CEMIP: variants seen among roughly 807,000 people sequenced by gnomAD.
CEMIP encodes the protein cell migration inducing hyaluronidase 1.
CEMIP carries 105 observed loss-of-function variants against 156.9 expected under a neutral mutation model. The observed-to-expected ratio is 0.67, with a 90% confidence interval of 0.57 to 0.79. The LOEUF is 0.79. Ranked by LOEUF, CEMIP falls within the 30% of genes least tolerant of loss-of-function variation. The pLI is 0.00. For synonymous variants in CEMIP, 676 were observed against 668.4 expected (o/e 1.01, Z -0.17); for missense variants, 1,457 against 1,769.4 (o/e 0.82, Z 3.17).
chr15:80,931,443 T>C (rs184054034), intron 21 of CEMIP, among the ~76,000 whole-genome samples: 159 of 152,270 alleles, frequency 1.0e-3, no homozygotes, highest in Non-Finnish European at 1.6e-3. Context: ...AGAAACATAA[T>C]ATTGGCACGC....
intron 1 of CEMIP, among the ~76,000 whole-genome samples, chr15:80,863,281 G>T (rs1454035334): frequency 6.6e-6 from 1 of 152,176 alleles, no homozygotes; most frequent in Non-Finnish European, 1.5e-5. Flanking sequence ...TTTGATAGAG[G>T]GTGTTGGACA....
intron 1 of CEMIP, among the ~76,000 whole-genome samples, chr15:80,808,563 T>C (rs377616483): frequency 6.6e-6 from 1 of 150,762 alleles, no homozygotes; most frequent in Non-Finnish European, 1.5e-5. Context: ...ATAAATTATA[T>C]GAAAAACAAC....
chr15:80,934,847 T>A (rs77213986), intron 23 of CEMIP, among the ~76,000 whole-genome samples: 7,168 of 152,258 alleles, frequency 0.047, 217 homozygotes, highest in Middle Eastern at 0.17. Context: ...CTGAGGGTGT[T>A]TCTCTCTGCA....
chr15:80,813,347 C>T (rs1023246788), intron 1 of CEMIP, among the ~76,000 whole-genome samples: 27 of 141,140 alleles, frequency 1.9e-4, no homozygotes, highest in African/African-American at 4.8e-4. Context: ...AGCAGCAGTA[C>T]GGATTTTTTT....
chr15:80,830,095 C>T (rs1317140669), intron 1 of CEMIP, among the ~76,000 whole-genome samples: 2 of 149,940 alleles, frequency 1.3e-5, no homozygotes, highest in South Asian at 2.1e-4. Context: ...GATCTGGGAC[C>T]GCTCTACACA....
chr15:80,800,216 A>G (rs1309134997), intron 1 of CEMIP, among the ~76,000 whole-genome samples: 2 of 152,028 alleles, frequency 1.3e-5, no homozygotes, highest in Admixed American at 1.3e-4. Flanking sequence ...GGTAGCTGAA[A>G]TCACCTCACC....
chr15:80,797,103 G>A (rs754441963), intron 1 of CEMIP, among the ~76,000 whole-genome samples: 11 of 152,180 alleles, frequency 7.2e-5, no homozygotes, highest in Non-Finnish European at 1.6e-4. Context: ...AGGTTGGAAA[G>A]GTTCGTGTGA....
chr15:80,938,227 A>G (rs895029432), intron 25 of CEMIP: 4 of 415,114 alleles, frequency 9.6e-6, no homozygotes, highest in Admixed American at 3.9e-5. Flanking sequence ...CATATTTCAG[A>G]AAAAAAAAAG....
chr15:80,848,691 C>T (rs766714739), intron 1 of CEMIP, among the ~76,000 whole-genome samples: 2 of 152,114 alleles, frequency 1.3e-5, no homozygotes, highest in South Asian at 4.1e-4. Flanking sequence ...GGTTCCCAGG[C>T]GGAAAGAAGG....
intron 1 of CEMIP, among the ~76,000 whole-genome samples, chr15:80,838,457 G>T (rs1897314321): frequency 6.6e-6 from 1 of 152,104 alleles, no homozygotes; most frequent in African/African-American, 2.4e-5. Context: ...CTCTGGCTCA[G>T]CAGGCCTGGG....
rs552298321 is a variant in CEMIP at position 80,946,994 on chromosome 15, G to C, written c.3887G>C (p.Arg1296Thr). ...ATAGTGCTTATGGCATCAAAGGGAAGATACGTCTCCAGAGGCCCATGGACC... is the reference window on the plus strand; with the variant it reads ...ATAGTGCTTATGGCATCAAAGGGAACATACGTCTCCAGAGGCCCATGGACC... ...NSIVLMASKGRYVSRGPWTRV... is the reference protein window; with the variant it reads ...NSIVLMASKGTYVSRGPWTRV... Residue 1296 changes from arginine (R) to threonine (T), a missense_variant, in exon 29 of 30, where the codon AGA becomes ACA. Arg to Thr is a moderately conservative substitution (Grantham distance 71, BLOSUM62 -1). Around this residue, in one of 5 missense-constraint regions of CEMIP, gnomAD observed 798 missense variants for 980.1 expected, o/e 0.81. Transcript: ENST00000394685. 1 of 1,613,954 alleles carries C rather than the reference G, an allele frequency of 6.2e-7. No homozygotes were observed. The highest frequency in any genetic ancestry group is 1.3e-5 in the African/African-American group (1 of 75,026).
intron 1 of CEMIP, among the ~76,000 whole-genome samples, chr15:80,856,234 G>A (rs1468303401): frequency 1.3e-5 from 2 of 152,308 alleles, no homozygotes; most frequent in African/African-American, 4.8e-5. Flanking sequence ...CAACAAGTGT[G>A]CATTTTAGGT....
chr15:80,895,852 C>T lies in CEMIP; in HGVS notation c.1220-17C>T, dbSNP rs774304121. 1.2e-6 allele frequency: 2 copies of T among 1,613,824 alleles called. No homozygotes were observed. Among genetic ancestry groups the T allele is most frequent in the East Asian group, 4.5e-5 (2 of 44,884 alleles). Reference sequence around the variant, plus strand: ...AGCAAAGGGCTCTATCTCAGTCTTTCCTGTTTTGGGTTACAGTGAGGCCCA... The same window carrying T: ...AGCAAAGGGCTCTATCTCAGTCTTTTCTGTTTTGGGTTACAGTGAGGCCCA... On this transcript the variant is annotated splice_polypyrimidine_tract_variant and intron_variant, in intron 11 of 29. Transcript: ENST00000394685.
intron 8 of CEMIP, 60 bp downstream of exon 8, chr15:80,887,824 A>C (rs1288062479): frequency 1.2e-5 from 16 of 1,367,916 alleles, no homozygotes; most frequent in Middle Eastern, 1.8e-4. Context: ...CAAGAGGTGC[A>C]GGGCTTTTCT....
intron 1 of CEMIP, among the ~76,000 whole-genome samples, chr15:80,794,411 G>A (rs1896162509): frequency 6.6e-6 from 1 of 152,174 alleles, no homozygotes; most frequent in African/African-American, 2.4e-5. Context: ...TGACCAAAAT[G>A]AGCTGAGACC....
intron 1 of CEMIP, among the ~76,000 whole-genome samples, chr15:80,832,503 A>G (rs1250776890): frequency 6.6e-6 from 1 of 152,148 alleles, no homozygotes; most frequent in Non-Finnish European, 1.5e-5. Context: ...GATGTTTCAA[A>G]TGAGTGCATG....
chr15:80,827,054 C>G (rs1897052992), intron 1 of CEMIP, among the ~76,000 whole-genome samples: 2 of 152,178 alleles, frequency 1.3e-5, no homozygotes, highest in African/African-American at 4.8e-5. Context: ...AGTTCCTGCC[C>G]TTTCACTCCA....
chr15:80,894,278 A>G (rs1050775760), intron 10 of CEMIP, among the ~76,000 whole-genome samples: 27 of 152,242 alleles, frequency 1.8e-4, no homozygotes, highest in African/African-American at 6.0e-4. Flanking sequence ...ATGTAGTTAC[A>G]TAAGTCTGGG....
rs979413878 is a variant in CEMIP, at chr15:80,854,092, C to T, written c.-175-19446C>T. 3.3e-5 allele frequency among the ~76,000 whole-genome samples: 5 copies of T among 152,404 alleles called. No homozygotes were observed. The South Asian group carries it at 8.3e-4, about 25-fold the overall frequency. On this transcript the variant is annotated intron_variant, in intron 1 of 29. Transcript: ENST00000394685. ...ACTGTCCCCTGGGCCTCTGCAGGCC[C>T]TCAGTGAGCCAGCGAGGCCTGCCCT...
Sources: allele counts gnomAD v4.1 joint callset (sites outside exome capture counted in the v4.1 genomes callset), GRCh38; gene constraint gnomAD v4.1.1; regional missense constraint gnomAD v4.1.1; transcripts MANE v1.5; gene names NCBI Gene and HGNC (gene_info 2026-07-23, HGNC 2026-07-21).